KRT80: variants seen among roughly 807,000 people sequenced by gnomAD.
The protein encoded by KRT80 is keratin 80, also known as keratin, type II cytoskeletal 80.
Under a neutral mutation model 51.5 loss-of-function variants are expected in KRT80, and 36 were observed. That is an observed-to-expected ratio of 0.70 (90% CI 0.54 to 0.92). The LOEUF is 0.92. Ranked by LOEUF, KRT80 falls within the 40% of genes least tolerant of loss-of-function variation. The pLI, the probability that KRT80 is intolerant of heterozygous loss-of-function variation, is 0.00. For missense variants in KRT80, 566 were observed against 591.7 expected (o/e 0.96, Z 0.45); for synonymous variants, 235 against 248.3 (o/e 0.95, Z 0.50).
At chr12:52,186,647 C>T (rs1338130156) in intron 1 of KRT80, among the ~76,000 whole-genome samples, 1 of 152,224 alleles carries the variant, frequency 6.6e-6, no homozygotes, top group African/African-American at 2.4e-5. Context: ...ACACATGCGT[C>T]CTGTGTGTTG....
chr12:52,175,153 A>C (rs924883112), intron 4 of KRT80, among the ~76,000 whole-genome samples: 1 of 152,166 alleles, frequency 6.6e-6, no homozygotes, highest in African/African-American at 2.4e-5. Flanking sequence ...CAGGATCCAA[A>C]CAAGGCCAGT....
At chr12:52,176,130 AG>A (rs1242697119) in intron 4 of KRT80, among the ~76,000 whole-genome samples, 1 of 152,238 alleles carries the variant, frequency 6.6e-6, no homozygotes. Flanking sequence ...AGGCAGGCTA[AG>A]CAGGAGCTTG....
chr12:52,189,984 A>AG (rs1482921996), intron 1 of KRT80, among the ~76,000 whole-genome samples: 2 of 152,198 alleles, frequency 1.3e-5, no homozygotes, highest in Admixed American at 1.3e-4. Context: ...ATTCCTTCTA[A>AG]GGGATTAAAC....
At chr12:52,179,061 G>A (rs1369664344) in intron 4 of KRT80, among the ~76,000 whole-genome samples, 1 of 152,230 alleles carries the variant, frequency 6.6e-6, no homozygotes, top group Non-Finnish European at 1.5e-5. Context: ...ATGGCTTAGA[G>A]CTTGAGCTCT....
intron 1 of KRT80, among the ~76,000 whole-genome samples, chr12:52,189,777 G>T (rs1010762984): frequency 1.3e-5 from 2 of 152,242 alleles, no homozygotes; most frequent in African/African-American, 4.8e-5. Context: ...TCAAGGCTAA[G>T]GGTTGGGAGG....
Position 52,191,466 on chromosome 12 carries a change from C to T in KRT80, c.300+137G>A, listed in dbSNP as rs117365946. On this transcript the variant is annotated intron_variant, in intron 1 of 8. Coordinates refer to ENST00000394815, the MANE Select transcript of KRT80 (RefSeq NM_182507.3). ...CAGCCTCTGCTCAGAGCTAGCCTGT[C>T]GGGTTAGCAGTGCCATCTCCCCATT... The T allele has an allele frequency of 2.7e-3, 2,296 of 844,162 alleles. 25 individuals are homozygous for T. The highest frequency in any genetic ancestry group is 0.026 in the African/African-American group (1,532 of 58,550). 52.3% of individuals were successfully genotyped at this position (844,162 alleles called of 1,614,324 possible).
At position 52,170,645 on chromosome 12, in the gene KRT80, GATTATGGCAAGAGCA is replaced by G. The variant is rs1941073064; in HGVS notation, c.*738_*752del. On this transcript the variant is annotated 3_prime_UTR_variant, in exon 9 of 9. Coordinates refer to ENST00000394815, the MANE Select transcript of KRT80 (RefSeq NM_182507.3). ...ATCTGGCTTCCACTCCCAGGGAGTT[GATTATGGCAAGAGCA>G]GCTTCCGGAGAAGCTGCTGGGAGCT... 1.3e-5 allele frequency: 2 copies of G among 152,432 alleles called. No individual in the cohort carries two copies. Among genetic ancestry groups the G allele is most frequent in the South Asian group, 4.1e-4 (2 of 4,836 alleles). 9.4% of individuals were successfully genotyped at this position (152,432 alleles called of 1,614,324 possible).
At chr12:52,183,159 C>T (rs1207076783) in intron 2 of KRT80, among the ~76,000 whole-genome samples, 1 of 152,184 alleles carries the variant, frequency 6.6e-6, no homozygotes, top group Non-Finnish European at 1.5e-5. Flanking sequence ...CTGCTTTGTT[C>T]TTAGTAAATA....
At chr12:52,176,673 C>T (rs1479101071) in intron 4 of KRT80, among the ~76,000 whole-genome samples, 2 of 152,070 alleles carry the variant, frequency 1.3e-5, no homozygotes, top group Non-Finnish European at 2.9e-5. Flanking sequence ...TAGAGATGGG[C>T]TTTTACCATG....
chr12:52,184,235 G>T (rs939681938), intron 2 of KRT80, among the ~76,000 whole-genome samples: 1 of 152,158 alleles, frequency 6.6e-6, no homozygotes, highest in Admixed American at 6.5e-5. Context: ...GGGAGACCAA[G>T]GGTTCAGCCT....
rs753126351 is a variant in KRT80, at chr12:52,180,995, T to C, written c.510-32A>G. 3.3e-6 allele frequency: 5 copies of C among 1,504,268 alleles called. No individual in the cohort carries two copies. The African/African-American group carries it at 5.6e-5, about 17-fold the overall frequency. The allele number at this position is 1,504,268 out of a possible 1,614,324, so 93.2% of individuals were successfully genotyped here. A position where few individuals can be genotyped will look rare whatever the true frequency, so the allele number is the denominator to read the frequency against. On this transcript the variant is annotated intron_variant, in intron 2 of 8. Coordinates refer to ENST00000394815, the MANE Select transcript of KRT80 (RefSeq NM_182507.3). ...GGGAGAGAGGGGTTGCTCAGCTGGA[T>C]ATGGTGGGGGCTTGGGCCTGGTGAA...
chr12:52,185,416 G>A lies in KRT80; in HGVS notation c.472C>T (p.Leu158=), dbSNP rs139171904. The change falls in exon 2 of 9, where the codon CTG becomes TTG. Residue 158 remains leucine (L), a synonymous_variant. Coordinates refer to ENST00000394815, the MANE Select transcript of KRT80 (RefSeq NM_182507.3). ...QERGQLEANL[L]QVLEKVEEFR... ...TCCTCAACCTTCTCCAGCACCTGCA[G>A]CAGGTTGGCCTCCAGCTGCCCCCGC... The A allele has an allele frequency of 8.1e-5, 130 of 1,614,020 alleles. 1 individual carries two copies. The African/African-American group carries it at 1.3e-3, about 17-fold the overall frequency.
At chr12:52,190,929 G>C (rs1184952520) in intron 1 of KRT80, among the ~76,000 whole-genome samples, 1 of 152,130 alleles carries the variant, frequency 6.6e-6, no homozygotes, top group East Asian at 1.9e-4. Context: ...TGGAGTCTAG[G>C]AAGTGTGGTT....
chr12:52,172,601 G>C (rs1941127979), intron 6 of KRT80, among the ~76,000 whole-genome samples, 183 bp from the exon 7 acceptor site: 1 of 152,154 alleles, frequency 6.6e-6, no homozygotes, highest in South Asian at 2.1e-4. Flanking sequence ...ACCTGAAGAG[G>C]CACCTTCCCA....
intron 4 of KRT80, among the ~76,000 whole-genome samples, chr12:52,179,418 G>C (rs1941286123): frequency 6.6e-6 from 1 of 152,218 alleles, no homozygotes. Flanking sequence ...CAGGGCTGTG[G>C]GGAGAGCGGA....
chr12:52,179,828 AG>A (rs936703036), intron 4 of KRT80, among the ~76,000 whole-genome samples: 14 of 152,164 alleles, frequency 9.2e-5, no homozygotes, highest in African/African-American at 3.4e-4. Context: ...TTAGCTCAGG[AG>A]TGTCACCCCT....
At chr12:52,172,516 G>C in intron 6 of KRT80, 98 bp from the exon 7 acceptor site, 2 of 1,083,412 alleles carry the variant, frequency 1.8e-6, no homozygotes, top group Middle Eastern at 5.5e-4. Context: ...GGGTAGGTGT[G>C]GGGAGGGAGG....
chr12:52,175,893 G>A (rs1012895654), intron 4 of KRT80, among the ~76,000 whole-genome samples: 2 of 152,308 alleles, frequency 1.3e-5, no homozygotes, highest in East Asian at 1.9e-4. Context: ...CCCTGGCTGG[G>A]GCTTGGCTGG....
chr12:52,191,881 C>A lies in KRT80; in HGVS notation c.22G>T (p.Val8Phe). The part of the protein sequence containing the change: MACRSCV[V>F]GFSSLSSCEV... The stretch of plus-strand genomic sequence containing the variant: ...CAGCTGCTGAGGCTGCTGAAGCCAA[C>A]CACGCAGGAGCGGCAGGCCATGGTG... The change falls in exon 1 of 9, where the codon GTT becomes TTT. Residue 8 changes from valine to phenylalanine, a missense_variant. Val to Phe is a conservative substitution (Grantham distance 50). Transcript: ENST00000394815. 6.7e-7 allele frequency: 1 copy of A among 1,502,792 alleles called. No individual in the cohort carries two copies. The highest frequency in any genetic ancestry group is 8.9e-7 in the Non-Finnish European group (1 of 1,121,590). 93.1% of individuals were successfully genotyped at this position (1,502,792 alleles called of 1,614,324 possible).
Sources: gnomAD v4.1 joint callset for allele counts (sites outside exome capture counted in the v4.1 genomes callset) on GRCh38, gnomAD v4.1.1 for gene constraint, MANE v1.5 for transcripts, NCBI Gene and HGNC (gene_info 2026-07-23, HGNC 2026-07-21) for gene names.